Variants in CSNK1G3 observed in about 807,000 individuals in gnomAD.
The protein encoded by CSNK1G3 is casein kinase 1 gamma 3, also known as casein kinase I isoform gamma-3.
A neutral mutation model predicts 64.3 loss-of-function variants in CSNK1G3; 23 were observed. The observed-to-expected ratio is 0.36, with a 90% CI of 0.26 to 0.51. The LOEUF (loss-of-function observed/expected upper bound fraction) is 0.51. Ranked by LOEUF, CSNK1G3 falls within the 20% of genes least tolerant of loss-of-function variation. The pLI, the probability that CSNK1G3 is intolerant of heterozygous loss-of-function variation, is 0.96. For synonymous variants in CSNK1G3, 158 were observed against 162.2 expected, an observed-to-expected ratio of 0.97 and a Z score of 0.20; for missense variants, 357 against 510.5, an observed-to-expected ratio of 0.70 and a Z score of 2.90.
intron 4 of CSNK1G3, among the ~76,000 whole-genome samples, chr5:123,571,377 G>T (rs961860322): frequency 2.6e-5 from 4 of 152,038 alleles, no homozygotes; most frequent in African/African-American, 9.7e-5. Flanking sequence ...TCCGCCTCCT[G>T]GGTTCAAGTG....
chr5:123,608,940 C>T (rs2151211497), intron 12 of CSNK1G3, among the ~76,000 whole-genome samples: 1 of 152,058 alleles, frequency 6.6e-6, no homozygotes, highest in East Asian at 1.9e-4. Context: ...GTATGTCCTC[C>T]TAGTTGGGAA....
rs113682965 is a variant in CSNK1G3, at chr5:123,521,462, G to A, written c.-248+8892G>A. Among the ~76,000 whole-genome samples the A allele has an allele frequency of 1.1e-3, 166 of 152,118 alleles. No homozygotes were observed. The Middle Eastern group carries it at 0.017, about 16-fold the overall frequency. On this transcript the variant is annotated intron_variant, in intron 1 of 12. Transcript: ENST00000345990. ...AAGATAATTGTTTTGAGTATTTTCT[G>A]ATATCTATTGAAAGTCGATAACTAG... is the stretch of plus-strand genomic sequence containing the variant.
At position 123,591,405 on chromosome 5, in the gene CSNK1G3, CA is replaced by C; in HGVS notation, c.1082del (p.Asn361ThrfsTer4). ...AACACAGAGATAAGATGCAACAATC[CA>C]AAAACCAGGTTTGCTGCCCTTTAGA... On this transcript the variant is annotated frameshift_variant, in exon 10 of 13. Transcript: ENST00000345990. LOFTEE classifies it high-confidence loss of function. 3 of 1,604,790 alleles carry C rather than the reference CA, an allele frequency of 1.9e-6. No homozygotes were observed. The highest frequency in any genetic ancestry group is 2.3e-5 in the East Asian group (1 of 44,228).
chr5:123,585,205 CGAG>C (rs1165870341), intron 6 of CSNK1G3, among the ~76,000 whole-genome samples: 1 of 151,186 alleles, frequency 6.6e-6, no homozygotes, highest in African/African-American at 2.4e-5. Context: ...AAAAGCAACT[CGAG>C]GGGAAAGGAT....
chr5:123,615,447 C>G (rs1749301026), exon 13 of CSNK1G3: 1 of 152,558 alleles, frequency 6.6e-6, no homozygotes, highest in Non-Finnish European at 1.5e-5. Context: ...ACTCTATGCC[C>G]TCTGTGCACA....
chr5:123,599,851 T>C (rs1794135211), intron 10 of CSNK1G3, among the ~76,000 whole-genome samples: 1 of 152,068 alleles, frequency 6.6e-6, no homozygotes, highest in Non-Finnish European at 1.5e-5. Flanking sequence ...ATCAGCATTA[T>C]GAATTTATTT....
In CSNK1G3 at chr5:123,588,418, C is replaced by G; in HGVS notation, c.760-9C>G. On this transcript the variant is annotated splice_polypyrimidine_tract_variant and intron_variant, in intron 7 of 12. Transcript: ENST00000345990. ...ACCACATTCTCAAGATTTTTTTTTT[C>G]TGTTTTAGGCTGACACATTAAAGGA... The G allele has an allele frequency of 1.3e-6, 2 of 1,589,332 alleles. No individual in the cohort carries two copies. Among genetic ancestry groups the G allele is most frequent in the Non-Finnish European group, 1.7e-6 (2 of 1,160,798 alleles).
At chr5:123,593,802 C>T (rs1792896541) in intron 10 of CSNK1G3, among the ~76,000 whole-genome samples, 1 of 152,054 alleles carries the variant, frequency 6.6e-6, no homozygotes. Context: ...AGCTTAGTGC[C>T]AGAACATGTA....
chr5:123,542,303 T>TC (rs969212680), intron 1 of CSNK1G3, among the ~76,000 whole-genome samples: 7 of 152,136 alleles, frequency 4.6e-5, no homozygotes, highest in Middle Eastern at 3.2e-3. Context: ...CATTTACAAC[T>TC]CCCCCTCCTT....
At chr5:123,578,153 A>G (rs919042763) in intron 6 of CSNK1G3, among the ~76,000 whole-genome samples, 4 of 151,972 alleles carry the variant, frequency 2.6e-5, no homozygotes, top group African/African-American at 9.6e-5. Context: ...TAAAACTTGT[A>G]TAATATTCTT....
chr5:123,531,643 A>G (rs1286466503), intron 1 of CSNK1G3, among the ~76,000 whole-genome samples: 2 of 152,050 alleles, frequency 1.3e-5, no homozygotes, highest in African/African-American at 4.8e-5. Flanking sequence ...TTTCTTTTGA[A>G]GAATTCCTTT....
intron 2 of CSNK1G3, among the ~76,000 whole-genome samples, chr5:123,551,806 A>C (rs1003738378): frequency 2.0e-5 from 3 of 152,142 alleles, no homozygotes; most frequent in African/African-American, 7.2e-5. Flanking sequence ...AACCCCAAAA[A>C]ACTATCATTG....
At chr5:123,591,987 G>A (rs950386841) in intron 10 of CSNK1G3, among the ~76,000 whole-genome samples, 1 of 152,030 alleles carries the variant, frequency 6.6e-6, no homozygotes, top group Non-Finnish European at 1.5e-5. Flanking sequence ...AGAGCATACA[G>A]TAAGCTTTGA....
At chr5:123,546,999 A>G (rs996805457) in intron 2 of CSNK1G3, among the ~76,000 whole-genome samples, 5 of 152,144 alleles carry the variant, frequency 3.3e-5, no homozygotes, top group African/African-American at 1.2e-4. Flanking sequence ...ATTAGATACT[A>G]TGAAATTCTT....
chr5:123,566,887 G>A (rs1429176388), intron 4 of CSNK1G3, among the ~76,000 whole-genome samples: 1 of 151,982 alleles, frequency 6.6e-6, no homozygotes, highest in Non-Finnish European at 1.5e-5. Context: ...TTCCAGTAAT[G>A]TTAGCTTTCT....
intron 4 of CSNK1G3, among the ~76,000 whole-genome samples, chr5:123,559,363 A>G (rs1361713933): frequency 6.6e-6 from 1 of 152,196 alleles, no homozygotes. Context: ...TTAGCAAGTC[A>G]TTGAATTGAG....
exon 13 of CSNK1G3, chr5:123,614,687 C>T (rs549827152): frequency 1.7e-4 from 45 of 263,474 alleles, no homozygotes; most frequent in African/African-American, 8.9e-4. Flanking sequence ...TTCCATAGAA[C>T]ATTTTCCAGA....
At chr5:123,606,719 C>G (rs1397482331) in intron 12 of CSNK1G3, among the ~76,000 whole-genome samples, 1 of 152,158 alleles carries the variant, frequency 6.6e-6, no homozygotes, top group African/African-American at 2.4e-5. Flanking sequence ...CATACACACA[C>G]TCTTCACTGA....
chr5:123,551,918 T>C (rs1783740778), intron 2 of CSNK1G3, among the ~76,000 whole-genome samples: 1 of 152,216 alleles, frequency 6.6e-6, no homozygotes, highest in Non-Finnish European at 1.5e-5. Context: ...AGTGTACTTA[T>C]ACATTAATCA....
Sources: allele counts gnomAD v4.1 joint callset (sites outside exome capture counted in the v4.1 genomes callset), GRCh38; gene constraint gnomAD v4.1.1; transcripts MANE v1.5; gene names NCBI Gene and HGNC (gene_info 2026-07-23, HGNC 2026-07-21).